The following LAMA4 variants were observed in gnomAD, a reference collection of about 807,000 sequenced individuals.
The protein encoded by LAMA4 is laminin subunit alpha-4.
LAMA4 carries 127 observed loss-of-function variants against 207.1 expected under a neutral mutation model. The ratio of observed to expected loss-of-function variants is 0.61; its 90% CI spans 0.53 to 0.71. LAMA4 has a LOEUF of 0.71. Among genes scored for constraint, LAMA4 ranks in the 30% least tolerant of loss-of-function variants. The pLI, the probability that LAMA4 is intolerant of heterozygous loss-of-function variation, is 0.00. For missense variants in LAMA4, 2,093 were observed against 2,246.5 expected, an observed-to-expected ratio of 0.93 and a Z score of 1.38; for synonymous variants, 761 against 816.0, an observed-to-expected ratio of 0.93 and a Z score of 1.15.
At chr6:112,160,036 C>T (rs566260320) in intron 13 of LAMA4, among the ~76,000 whole-genome samples, 1 of 152,066 alleles carries the variant, frequency 6.6e-6, no homozygotes, top group Admixed American at 6.5e-5. Flanking sequence ...AGCTACCCCA[C>T]TTGGCTAAGA....
chr6:112,239,821 T>C (rs1374769821), intron 2 of LAMA4, among the ~76,000 whole-genome samples: 1 of 152,134 alleles, frequency 6.6e-6, no homozygotes, highest in South Asian at 2.1e-4. Context: ...CTCAGCACTT[T>C]GGGAGGCCGA....
intron 9 of LAMA4, among the ~76,000 whole-genome samples, chr6:112,181,747 C>T (rs1220217761): frequency 7.2e-5 from 11 of 152,174 alleles, no homozygotes; most frequent in African/African-American, 2.7e-4. Context: ...CCCTGCTAGA[C>T]TGAAGCATCT....
At chr6:112,215,835 G>A (rs1554358440) in intron 3 of LAMA4, among the ~76,000 whole-genome samples, 1 of 152,172 alleles carries the variant, frequency 6.6e-6, no homozygotes, top group Non-Finnish European at 1.5e-5. Context: ...ATAGTCTCCT[G>A]GGGGCTTAAA....
chr6:112,179,558 G>A (rs1486406933), intron 9 of LAMA4: 1 of 153,266 alleles, frequency 6.5e-6, no homozygotes, highest in African/African-American at 2.4e-5. Flanking sequence ...AGCGCTGGTA[G>A]ACCCATTATA....
chr6:112,218,281 C>A (rs1469266338), intron 2 of LAMA4: 1 of 152,026 alleles, frequency 6.6e-6, no homozygotes, highest in Admixed American at 6.6e-5. Flanking sequence ...GCTTCTGATT[C>A]AGTGAAACCA....
At chr6:112,152,759 C>T (rs1327465021) in intron 16 of LAMA4, among the ~76,000 whole-genome samples, 3 of 151,980 alleles carry the variant, frequency 2.0e-5, no homozygotes. Flanking sequence ...GTACAGTTAA[C>T]CAAATACAAG....
intron 38 of LAMA4, among the ~76,000 whole-genome samples, chr6:112,111,285 C>T (rs1554321506): frequency 1.3e-5 from 2 of 152,192 alleles, no homozygotes; most frequent in African/African-American, 2.4e-5. Context: ...CTCAAGTGAT[C>T]CACCCACCTT....
At chr6:112,187,725 TG>T (rs1782779076) in intron 7 of LAMA4, 124 bp from the exon 8 acceptor site, 1 of 972,398 alleles carries the variant, frequency 1.0e-6, no homozygotes, top group Non-Finnish European at 1.6e-6. Flanking sequence ...CATGAAGAGC[TG>T]TAATTCTATT....
chr6:112,145,358 G>A (rs569464037), intron 18 of LAMA4, among the ~76,000 whole-genome samples: 5 of 152,258 alleles, frequency 3.3e-5, no homozygotes, highest in Non-Finnish European at 7.3e-5. Flanking sequence ...TGGCTCAGGC[G>A]TGCTGGTGCC....
chr6:112,228,707 G>C (rs1785370783), intron 2 of LAMA4, among the ~76,000 whole-genome samples: 1 of 152,242 alleles, frequency 6.6e-6, no homozygotes, highest in South Asian at 2.1e-4. Flanking sequence ...CATCTTGGGA[G>C]TCATGGCTTC....
intron 24 of LAMA4, among the ~76,000 whole-genome samples, 194 bp from the exon 25 acceptor site, chr6:112,136,448 C>G (rs1779352996): frequency 6.6e-6 from 1 of 151,954 alleles, no homozygotes; most frequent in African/African-American, 2.4e-5. Context: ...TCCCAGCACT[C>G]TGGGAGGCCG....
At chr6:112,174,000 A>C (rs1475210255) in intron 11 of LAMA4, among the ~76,000 whole-genome samples, 10 of 152,252 alleles carry the variant, frequency 6.6e-5, no homozygotes, top group African/African-American at 2.4e-4. Context: ...AGGTGGATCT[A>C]ATAGTTACCA....
intron 2 of LAMA4, among the ~76,000 whole-genome samples, chr6:112,228,268 G>A (rs1331397540): frequency 3.3e-5 from 5 of 152,104 alleles, no homozygotes; most frequent in African/African-American, 4.8e-5. Flanking sequence ...GCTGAACTAC[G>A]GAATTTAGAT....
chr6:112,150,258 CAG>C, intron 17 of LAMA4, among the ~76,000 whole-genome samples: 1 of 151,706 alleles, frequency 6.6e-6, no homozygotes, highest in Non-Finnish European at 1.5e-5. Flanking sequence ...CACACACACA[CAG>C]AGGCAATGCT....
At chr6:112,168,248 ATGC>A (rs1236005544) in intron 12 of LAMA4, among the ~76,000 whole-genome samples, 1 of 151,198 alleles carries the variant, frequency 6.6e-6, no homozygotes, top group Non-Finnish European at 1.5e-5. Flanking sequence ...AGAAGAATAT[ATGC>A]TTAGTGTGAT....
intron 19 of LAMA4, 89 bp downstream of exon 19, chr6:112,144,705 T>C (rs1214734285): frequency 2.7e-6 from 4 of 1,455,730 alleles, no homozygotes; most frequent in Non-Finnish European, 3.8e-6. Context: ...AGCAGAAAGG[T>C]CCAGGCTCTG....
chr6:112,239,787 G>T (rs1786246215), intron 2 of LAMA4, among the ~76,000 whole-genome samples: 1 of 152,118 alleles, frequency 6.6e-6, no homozygotes, highest in Non-Finnish European at 1.5e-5. Context: ...TTTGAGGCCG[G>T]GTGCGGTGGC....
intron 9 of LAMA4, among the ~76,000 whole-genome samples, chr6:112,183,500 C>T (rs547401228): frequency 4.6e-5 from 7 of 152,208 alleles, no homozygotes; most frequent in East Asian, 1.9e-4. Flanking sequence ...AACTTTCAAG[C>T]GTACATTATT....
rs1028055520 is a variant in LAMA4, at chr6:112,117,167, A to C, written c.4981+572T>G. 8.5e-5 allele frequency among the ~76,000 whole-genome samples: 13 copies of C among 152,100 alleles called. No homozygotes were observed. The highest frequency in any genetic ancestry group is 1.2e-4 in the Non-Finnish European group (8 of 68,016). The stretch of plus-strand genomic sequence containing the variant: ...TATTCTTGGAATGAATTAGATGATG[A>C]TTGTGTGTAGTCTGCTAGGATTTTA... On this transcript the variant is annotated intron_variant, in intron 35 of 38. Transcript: ENST00000230538. This position sits in a 1 kb window ranked among gnomAD's most constrained non-coding sequence, Gnocchi z 4.5.
Sources: gnomAD v4.1 joint callset for allele counts (sites outside exome capture counted in the v4.1 genomes callset) on GRCh38, gnomAD v4.1.1 for gene constraint, Gnocchi (gnomAD v3.1) non-coding constraint, MANE v1.5 for transcripts, NCBI Gene and HGNC (gene_info 2026-07-23, HGNC 2026-07-21) for gene names.